The following RGS5 variants were observed in gnomAD, a reference collection of about 807,000 sequenced individuals.
RGS5 encodes the protein regulator of G protein signaling 5.
RGS5 carries 20 observed loss-of-function variants against 18.9 expected under a neutral mutation model. The ratio of observed to expected loss-of-function variants is 1.06; its 90% CI spans 0.74 to 1.54. The LOEUF (loss-of-function observed/expected upper bound fraction) is 1.54, where lower values mean the gene tolerates loss of function less well. Among genes scored for constraint, RGS5 ranks in the 40% most tolerant of loss-of-function variants. The pLI is 0.00. For missense variants in RGS5, 201 were observed against 211.8 expected, an observed-to-expected ratio of 0.95 and a Z score of 0.32; for synonymous variants, 57 against 76.2, an observed-to-expected ratio of 0.75 and a Z score of 1.31.
At chr1:163,237,423 T>A (rs1218344460) in intron 2 of RGS5, 1 of 152,560 alleles carries the variant, frequency 6.6e-6, no homozygotes, top group Non-Finnish European at 1.5e-5. Context: ...CGGCTCACCC[T>A]GTAATCCTGG....
At chr1:163,288,713 A>G (rs148707160) in intron 2 of RGS5, among the ~76,000 whole-genome samples, 2 of 152,256 alleles carry the variant, frequency 1.3e-5, no homozygotes, top group Admixed American at 6.5e-5. Context: ...ACTCCCATAT[A>G]TATCACCCTA....
At chr1:163,198,929 CA>C (rs1659673961) in intron 1 of RGS5, among the ~76,000 whole-genome samples, 1 of 152,134 alleles carries the variant, frequency 6.6e-6, no homozygotes, top group Admixed American at 6.6e-5. Flanking sequence ...CTTGGCCTCC[CA>C]AAGTGCTGGG....
intron 2 of RGS5, among the ~76,000 whole-genome samples, chr1:163,298,500 C>G (rs2221685): frequency 0.42 from 63,190 of 151,724 alleles, 13,638 homozygotes; most frequent in South Asian, 0.5. Flanking sequence ...GGTGGTTTAT[C>G]GGGGGTGGTG....
At chr1:163,255,600 A>G (rs1221204275) in intron 2 of RGS5, among the ~76,000 whole-genome samples, 2 of 151,066 alleles carry the variant, frequency 1.3e-5, no homozygotes, top group Non-Finnish European at 3.0e-5. Flanking sequence ...AATCCTCCCT[A>G]ACTCATTTTA....
upstream of RGS5, among the ~76,000 whole-genome samples, chr1:163,220,082 T>C (rs1454853384): frequency 6.6e-6 from 1 of 152,230 alleles, no homozygotes; most frequent in Non-Finnish European, 1.5e-5. Context: ...AGATACTGTT[T>C]ATAATTTTAG....
At chr1:163,207,907 A>G (rs376282140), upstream of RGS5, among the ~76,000 whole-genome samples, 3 of 152,290 alleles carry the variant, frequency 2.0e-5, no homozygotes, top group African/African-American at 7.2e-5. Flanking sequence ...ACCAAAAAAA[A>G]AGAAAGATTA....
intron 2 of RGS5, among the ~76,000 whole-genome samples, chr1:163,167,535 T>C (rs1658104413): frequency 6.6e-6 from 1 of 152,138 alleles, no homozygotes. Context: ...ACATCATGAC[T>C]CTTTAGAAGT....
intron 1 of RGS5, among the ~76,000 whole-genome samples, chr1:163,209,564 T>C (rs959054957): frequency 1.3e-5 from 2 of 152,174 alleles, no homozygotes; most frequent in African/African-American, 4.8e-5. Flanking sequence ...GAGTGTTTTA[T>C]AATTTTCCTT....
intron 2 of RGS5, among the ~76,000 whole-genome samples, chr1:163,294,470 G>C (rs930648260): frequency 6.6e-6 from 1 of 152,228 alleles, no homozygotes; most frequent in Non-Finnish European, 1.5e-5. Context: ...AGGGCACCAA[G>C]TCCTGAGACT....
intron 2 of RGS5, among the ~76,000 whole-genome samples, chr1:163,268,620 CT>C (rs948864007): frequency 1.3e-5 from 2 of 152,014 alleles, no homozygotes; most frequent in East Asian, 1.9e-4. Context: ...AATATTCCCC[CT>C]GTCCTAAATC....
intron 3 of RGS5, among the ~76,000 whole-genome samples, chr1:163,159,519 C>T (rs1657717715): frequency 6.6e-6 from 1 of 152,202 alleles, no homozygotes; most frequent in Non-Finnish European, 1.5e-5. Flanking sequence ...GAGACTGTCT[C>T]ACTTACTGAT....
intron 2 of RGS5, among the ~76,000 whole-genome samples, chr1:163,223,182 G>C (rs1647267546): frequency 6.6e-6 from 1 of 152,074 alleles, no homozygotes; most frequent in Non-Finnish European, 1.5e-5. Context: ...CCACTACAAA[G>C]TCTTCTGAGT....
At position 163,144,152 on chromosome 1, in the gene RGS5, T is replaced by G. The variant is rs1008313297; in HGVS notation, c.*3190A>C. 1 of 152,090 alleles carries G rather than the reference T, an allele frequency of 6.6e-6. No individual in the cohort carries two copies. The highest frequency in any genetic ancestry group is 6.6e-5 in the Admixed American group (1 of 15,258). The allele number at this position is 152,090 out of a possible 1,614,324, so 9.4% of individuals were successfully genotyped here. A position where few individuals can be genotyped will look rare whatever the true frequency, so the allele number is the denominator to read the frequency against. ...TGACTTTATTGATTTGAAAGCAAAG[T>G]TACTGAAATGCCTCAGTTAGTTCTG... On this transcript the variant is annotated 3_prime_UTR_variant, in exon 5 of 5. Coordinates refer to ENST00000313961, the MANE Select transcript of RGS5 (RefSeq NM_003617.4).
chr1:163,147,410 C>T lies in RGS5; in HGVS notation c.478G>A (p.Ala160Thr). The T allele has an allele frequency of 6.2e-7, 1 of 1,613,060 alleles. No homozygotes were observed. The highest frequency in any genetic ancestry group is 8.5e-7 in the Non-Finnish European group (1 of 1,179,450). The change falls in exon 5 of 5, where the codon GCC becomes ACC. Residue 160 changes from alanine (A) to threonine (T), a missense_variant. Transcript: ENST00000313961. ...SFDMAQKRIH[A>T]LMEKDSLPRF... ...GGCAGAGAATCCTTTTCCATCAGGG[C>T]ATGGATTCTTTTCTGGGCCATGTCA...
At chr1:163,190,857 C>T (rs1296774764) in intron 1 of RGS5, among the ~76,000 whole-genome samples, 2 of 152,130 alleles carry the variant, frequency 1.3e-5, no homozygotes, top group Non-Finnish European at 2.9e-5. Context: ...GGAAGCCTAG[C>T]CCATTAAAGG....
intron 1 of RGS5, among the ~76,000 whole-genome samples, chr1:163,178,813 G>A (rs879256269): frequency 2.6e-5 from 4 of 152,178 alleles, no homozygotes; most frequent in Admixed American, 2.0e-4. Context: ...AACAATAAAT[G>A]TGGTGAAGTT....
At chr1:163,178,202 T>G (rs1389917696) in intron 1 of RGS5, among the ~76,000 whole-genome samples, 1 of 152,058 alleles carries the variant, frequency 6.6e-6, no homozygotes, top group Non-Finnish European at 1.5e-5. Flanking sequence ...TCCCAGCTAC[T>G]AGGGAAGCTG....
intron 1 of RGS5, among the ~76,000 whole-genome samples, chr1:163,216,599 T>G (rs942175135): frequency 1.3e-5 from 2 of 152,156 alleles, no homozygotes; most frequent in Non-Finnish European, 2.9e-5. Context: ...AAACTACTTT[T>G]AGGAGATTTT....
intron 2 of RGS5, among the ~76,000 whole-genome samples, chr1:163,235,752 C>T (rs1322951071): frequency 2.0e-5 from 3 of 152,160 alleles, no homozygotes; most frequent in Non-Finnish European, 4.4e-5. Flanking sequence ...TGTTTTTAGT[C>T]TAATGTAATA....
Sources: allele counts gnomAD v4.1 joint callset (sites outside exome capture counted in the v4.1 genomes callset), GRCh38; gene constraint gnomAD v4.1.1; transcripts MANE v1.5; gene names NCBI Gene and HGNC (gene_info 2026-07-23, HGNC 2026-07-21).